Variants in KPRP observed in about 807,000 individuals in gnomAD.
KPRP encodes keratinocyte proline-rich protein.
For missense variants in KPRP, 820 were observed against 746.4 expected (o/e 1.10, Z -1.15); for synonymous variants, 282 against 276.9 (o/e 1.02, Z -0.18).
rs75424193 is a variant in KPRP, at chr1:152,760,844, G to A, written c.1256G>A (p.Arg419His). The stretch of plus-strand genomic sequence containing the variant: ...GAACCATGCATAAGTCTAGAACCAC[G>A]CCCGCGTCCTCTACCACGACAACTT... Residue 419 changes from arginine (R) to histidine (H), a missense_variant, in exon 1 of 1, where the codon CGC (arginine) becomes CAC (histidine). Coordinates refer to ENST00000606109, the Ensembl canonical transcript of KPRP. 1,530 of 1,614,060 alleles carry A rather than the reference G, an allele frequency of 9.5e-4. 8 individuals are homozygous for A. The African/African-American group carries it at 0.017, about 18-fold the overall frequency.
At chr1:152,760,805 C>T (rs776976728) in exon 1 of KPRP, 1 of 1,614,156 alleles carries the variant, frequency 6.2e-7, no homozygotes, top group Non-Finnish European at 8.5e-7. Context: ...GCTCCACGTC[C>T]ACGTCTGCGC....
At position 152,760,543 on chromosome 1, in the gene KPRP, C is replaced by CA. The variant is rs758181259; in HGVS notation, c.956dup (p.Arg320GlufsTer27). Reference sequence around the variant, plus strand: ...TCGCCGCCCCATTTCAAGCTGCTCTCAGAGACGTGGCCCCAAGTGCCGAAT... The same window carrying CA: ...TCGCCGCCCCATTTCAAGCTGCTCTCAAGAGACGTGGCCCCAAGTGCCGAAT... On this transcript the variant is annotated frameshift_variant, in exon 1 of 1. Coordinates refer to ENST00000606109, the Ensembl canonical transcript of KPRP. LOFTEE classifies it low-confidence loss of function (END_TRUNC). 1 of 1,611,008 alleles carries CA rather than the reference C, an allele frequency of 6.2e-7. No homozygotes were observed.
exon 1 of KPRP, chr1:152,760,916 C>A: frequency 6.2e-7 from 1 of 1,613,896 alleles, no homozygotes. Context: ...CTACGTCCAA[C>A]ACCGCGGCCA....
chr1:152,759,603 G>GCAGACCATGTGTGAC, exon 1 of KPRP: 1 of 1,613,918 alleles, frequency 6.2e-7, no homozygotes, highest in Non-Finnish European at 8.5e-7. Context: ...GTGACCAGCA[G>GCAGACCATGTGTGAC]CAGATCCAGT....
chr1:152,761,397 A>G (rs2101564672), exon 1 of KPRP: 1 of 1,530,324 alleles, frequency 6.5e-7, no homozygotes, highest in Non-Finnish European at 8.8e-7. Flanking sequence ...CACAATTTCC[A>G]GTACGCTCTT....
chr1:152,760,468 T>C lies in KPRP; in HGVS notation c.880T>C (p.Tyr294His), dbSNP rs775462196. 11 of 1,613,358 alleles carry C rather than the reference T, an allele frequency of 6.8e-6. No homozygotes were observed. In the African/African-American group the frequency reaches 1.5e-4, roughly 22 times the overall value. The change falls in exon 1 of 1, where the codon TAC (tyrosine) becomes CAC (histidine). Residue 294 changes from tyrosine to histidine, a missense_variant. Physicochemically the swap from Tyr to His is moderately conservative, Grantham distance 83. Transcript: ENST00000606109. ...AAGACCCTCTGAAGGTTTCCCTAAC[T>C]ACTGCACCCCACCCCGCCGCTCTGA...
At chr1:152,760,709 T>C in exon 1 of KPRP, 8 of 1,613,854 alleles carry the variant, frequency 5.0e-6, no homozygotes, top group Non-Finnish European at 6.8e-6. Context: ...AGGCCACACG[T>C]AGAGCCACGT....
Position 152,759,923 on chromosome 1 carries a change from CA to C in KPRP, c.336del (p.Cys113AlafsTer21). 4 of 1,614,246 alleles carry C rather than the reference CA, an allele frequency of 2.5e-6. No homozygotes were observed. Among genetic ancestry groups the C allele is most frequent in the Non-Finnish European group, 2.5e-6 (3 of 1,180,040 alleles). ...ACTTCCTCTGTTCAAAGCCAGGCTC[CA>C]TGCCAATCTGAGGTGTCCTACGTGC... On this transcript the variant is annotated frameshift_variant, in exon 1 of 1. Coordinates refer to ENST00000606109, the Ensembl canonical transcript of KPRP. LOFTEE classifies it low-confidence loss of function (END_TRUNC).
exon 1 of KPRP, chr1:152,760,131 G>A (rs1204038462): frequency 2.5e-6 from 4 of 1,614,026 alleles, no homozygotes; most frequent in African/African-American, 2.7e-5. Flanking sequence ...TCTCCACCCA[G>A]TGCCAGTATC....
At position 152,759,675 on chromosome 1, in the gene KPRP, CT is replaced by C. The variant is rs751698998; in HGVS notation, c.90del (p.Phe30LeufsTer43). 1.9e-6 allele frequency: 3 copies of C among 1,614,196 alleles called. No homozygotes were observed. The Admixed American group carries it at 5.0e-5, about 27-fold the overall frequency. Reference sequence around the variant, plus strand: ...CCTCCTTCTGCTCCTCTCAATCCCCCTTTGCCCAGAGCCAAGTGGTGGTTCA... The same window carrying C: ...CCTCCTTCTGCTCCTCTCAATCCCCCTTGCCCAGAGCCAAGTGGTGGTTCA... On this transcript the variant is annotated frameshift_variant, in exon 1 of 1. Transcript: ENST00000606109. LOFTEE classifies it low-confidence loss of function (END_TRUNC).
chr1:152,760,189 T>C (rs1241780932), exon 1 of KPRP: 3 of 1,614,082 alleles, frequency 1.9e-6, no homozygotes, highest in East Asian at 2.2e-5. Flanking sequence ...AAGGGCTACC[T>C]GCAACAACTA....
Position 152,760,646 on chromosome 1 carries a change from G to A in KPRP, c.1058G>A (p.Arg353His), listed in dbSNP as rs199539090. The A allele has an allele frequency of 4.0e-5, 65 of 1,610,870 alleles. 1 individual carries two copies. In the East Asian group the frequency reaches 1.0e-3, roughly 25 times the overall value. ...GTTGAGATTCCTCCCATCAGACGCC[G>A]CTCCCAGAGCTGTGGCCCGCAGCCC... is the stretch of plus-strand genomic sequence containing the variant. Residue 353 changes from arginine to histidine, a missense_variant, in exon 1 of 1, where the codon CGC becomes CAC. Coordinates refer to ENST00000606109, the Ensembl canonical transcript of KPRP.
chr1:152,760,011 A>G (rs1651054082), exon 1 of KPRP: 2 of 1,614,214 alleles, frequency 1.2e-6, no homozygotes, highest in Non-Finnish European at 1.7e-6. Flanking sequence ...TTTGTTATAC[A>G]GAAACTTGTT....
exon 1 of KPRP, chr1:152,760,176 G>T (rs749736532): frequency 1.2e-6 from 2 of 1,614,110 alleles, no homozygotes; most frequent in Non-Finnish European, 1.7e-6. Context: ...CCCAGTTTCA[G>T]TCAAGGGCTA....
chr1:152,759,679 GCC>G lies in KPRP; in HGVS notation c.93_94del (p.Gln32GlufsTer10). On this transcript the variant is annotated frameshift_variant, in exon 1 of 1. Transcript: ENST00000606109. LOFTEE classifies it low-confidence loss of function (END_TRUNC). The stretch of plus-strand genomic sequence containing the variant: ...CTTCTGCTCCTCTCAATCCCCCTTT[GCC>G]CAGAGCCAAGTGGTGGTTCAAGCCC... 5.0e-6 allele frequency: 8 copies of G among 1,614,126 alleles called. No homozygotes were observed. The highest frequency in any genetic ancestry group is 4.2e-6 in the Non-Finnish European group (5 of 1,180,014).
chr1:152,760,034 C>G (rs556661399), exon 1 of KPRP: 1 of 1,614,182 alleles, frequency 6.2e-7, no homozygotes, highest in East Asian at 2.2e-5. Context: ...GTAGAATGCC[C>G]AGTCCAGAAC....
At chr1:152,759,581 T>A (rs1224167065) in exon 1 of KPRP, 1 of 1,611,904 alleles carries the variant, frequency 6.2e-7, no homozygotes, top group South Asian at 1.1e-5. Context: ...ACTGGCTGCA[T>A]CAGGACCATG....
exon 1 of KPRP, chr1:152,759,765 G>A (rs1557827186): frequency 6.2e-7 from 1 of 1,614,158 alleles, no homozygotes; most frequent in Non-Finnish European, 8.5e-7. Context: ...TTTGCCAGGT[G>A]TCAGACCAGG....
chr1:152,760,184 C>G, exon 1 of KPRP: 1 of 1,614,134 alleles, frequency 6.2e-7, no homozygotes. Flanking sequence ...CAGTCAAGGG[C>G]TACCTGCAAC....
Sources: gnomAD v4.1 joint callset for allele counts on GRCh38, gnomAD v4.1.1 for gene constraint, MANE v1.5 for transcripts, NCBI Gene and HGNC (gene_info 2026-07-23, HGNC 2026-07-21) for gene names.